Variants in ARHGAP10 observed in about 807,000 individuals in gnomAD.
ARHGAP10 encodes the protein rho GTPase-activating protein 10.
Under a neutral mutation model 108.6 loss-of-function variants are expected in ARHGAP10, and 87 were observed. The observed-to-expected ratio is 0.80, with a 90% CI of 0.67 to 0.96. The LOEUF (loss-of-function observed/expected upper bound fraction) is 0.96, where lower values mean the gene tolerates loss of function less well. Ranked by LOEUF, ARHGAP10 falls within the 40% of genes least tolerant of loss-of-function variation. ARHGAP10 has a pLI of 0.00. For missense variants in ARHGAP10, 939 were observed against 954.5 expected, an observed-to-expected ratio of 0.98 and a Z score of 0.21; for synonymous variants, 347 against 341.1, an observed-to-expected ratio of 1.02 and a Z score of -0.19.
chr4:148,067,448 C>A (rs113279298), intron 22 of ARHGAP10, among the ~76,000 whole-genome samples: 6 of 152,194 alleles, frequency 3.9e-5, no homozygotes, highest in African/African-American at 1.2e-4. Flanking sequence ...ACTGGCAGGT[C>A]ATCTGACCAC....
At chr4:148,031,411 C>G (rs1728144393) in intron 19 of ARHGAP10, among the ~76,000 whole-genome samples, 3 of 152,208 alleles carry the variant, frequency 2.0e-5, no homozygotes, top group East Asian at 3.9e-4. Context: ...ATTATTATCC[C>G]TATTTTATAG....
intron 13 of ARHGAP10, among the ~76,000 whole-genome samples, chr4:147,934,218 G>T (rs976082597): frequency 2.0e-5 from 3 of 152,174 alleles, no homozygotes; most frequent in African/African-American, 7.2e-5. Flanking sequence ...GGCCAAAGAG[G>T]GCTGTAGCTA....
At chr4:147,756,803 G>A (rs755023398) in intron 1 of ARHGAP10, among the ~76,000 whole-genome samples, 6 of 152,082 alleles carry the variant, frequency 3.9e-5, no homozygotes, top group Non-Finnish European at 5.9e-5. Context: ...GTTAGAGGGA[G>A]AAATGCAAAT....
chr4:147,805,559 G>T (rs771201355), intron 1 of ARHGAP10, among the ~76,000 whole-genome samples: 3 of 152,106 alleles, frequency 2.0e-5, no homozygotes, highest in Non-Finnish European at 4.4e-5. Flanking sequence ...ATTGCTTTGG[G>T]CAATATGGCC....
At position 147,880,396 on chromosome 4, in the gene ARHGAP10, T is replaced by A. The variant is rs112338731; in HGVS notation, c.939+1058T>A. Among the ~76,000 whole-genome samples, 1,441 of 152,268 alleles carry A rather than the reference T, an allele frequency of 9.5e-3. 19 individuals carry two copies. The highest frequency in any genetic ancestry group is 0.03 in the African/African-American group (1,250 of 41,544). ...TAATAATGAAACAGACATGGAAAAT[T>A]AGTCATGGTGAGGAGAAGGAAGTGA... On this transcript the variant is annotated intron_variant, in intron 9 of 22. Coordinates refer to ENST00000336498, the MANE Select transcript of ARHGAP10 (RefSeq NM_024605.4).
At chr4:148,023,877 A>C (rs1578801014) in intron 19 of ARHGAP10, among the ~76,000 whole-genome samples, 1 of 152,318 alleles carries the variant, frequency 6.6e-6, no homozygotes, top group South Asian at 2.1e-4. Context: ...AGAATGCTTC[A>C]TCTTATGGCA....
intron 14 of ARHGAP10, among the ~76,000 whole-genome samples, chr4:147,943,094 C>T (rs1162136917): frequency 6.6e-6 from 1 of 152,196 alleles, no homozygotes; most frequent in Non-Finnish European, 1.5e-5. Context: ...ATATCAATTA[C>T]AATAGTTCAT....
intron 17 of ARHGAP10, 103 bp from the exon 18 acceptor site, chr4:147,966,577 C>CT: frequency 8.6e-7 from 1 of 1,158,876 alleles, no homozygotes; most frequent in Non-Finnish European, 1.2e-6. Context: ...GGTTAAGTCT[C>CT]TTGACCCCTT....
At chr4:148,029,679 T>C (rs933797692) in intron 19 of ARHGAP10, among the ~76,000 whole-genome samples, 15 of 152,334 alleles carry the variant, frequency 9.8e-5, no homozygotes, top group East Asian at 9.6e-4. Context: ...TTTTTTGGCA[T>C]GGCATTTCAT....
At chr4:147,761,924 T>A (rs1287388168) in intron 1 of ARHGAP10, among the ~76,000 whole-genome samples, 1 of 152,220 alleles carries the variant, frequency 6.6e-6, no homozygotes, top group African/African-American at 2.4e-5. Flanking sequence ...GCATCTTTTC[T>A]TGTTCATTCT....
chr4:147,848,451 G>A (rs76424856), intron 4 of ARHGAP10, among the ~76,000 whole-genome samples: 9,605 of 152,226 alleles, frequency 0.063, 964 homozygotes, highest in African/African-American at 0.21. Flanking sequence ...TCACTTCTGC[G>A]ACCTTGACTA....
intron 10 of ARHGAP10, among the ~76,000 whole-genome samples, chr4:147,885,024 G>A (rs1579159016): frequency 6.6e-6 from 1 of 152,084 alleles, no homozygotes; most frequent in Admixed American, 6.5e-5. Flanking sequence ...AGTGGGGGTG[G>A]AGCCAAGTGG....
chr4:147,833,817 T>G (rs537497149), intron 3 of ARHGAP10, among the ~76,000 whole-genome samples: 1 of 152,260 alleles, frequency 6.6e-6, no homozygotes, highest in Admixed American at 6.5e-5. Flanking sequence ...ATATATTAAG[T>G]TGGTGGTAGA....
At chr4:148,061,990 G>A (rs1278127722) in intron 20 of ARHGAP10, among the ~76,000 whole-genome samples, 1 of 152,160 alleles carries the variant, frequency 6.6e-6, no homozygotes, top group Non-Finnish European at 1.5e-5. Context: ...GCCAAGGAAG[G>A]GCAAGATTAG....
chr4:147,970,839 G>A (rs953910490), intron 18 of ARHGAP10, among the ~76,000 whole-genome samples: 1 of 152,160 alleles, frequency 6.6e-6, no homozygotes, highest in Non-Finnish European at 1.5e-5. Flanking sequence ...TGTAATCTCA[G>A]CACTTCGGGA....
At chr4:147,963,360 C>A (rs554308942) in intron 16 of ARHGAP10, among the ~76,000 whole-genome samples, 1 of 152,322 alleles carries the variant, frequency 6.6e-6, no homozygotes, top group South Asian at 2.1e-4. Flanking sequence ...GAGACCCTTC[C>A]TGAGCTTCCC....
At chr4:147,830,380 CT>C (rs745450760) in intron 3 of ARHGAP10, among the ~76,000 whole-genome samples, 1 of 152,172 alleles carries the variant, frequency 6.6e-6, no homozygotes, top group Non-Finnish European at 1.5e-5. Flanking sequence ...TCTCATCATC[CT>C]TTCATGCTCT....
chr4:147,984,707 G>C (rs1739961838), intron 18 of ARHGAP10, among the ~76,000 whole-genome samples: 1 of 152,224 alleles, frequency 6.6e-6, no homozygotes, highest in Non-Finnish European at 1.5e-5. Flanking sequence ...GCTTATGTCT[G>C]ATTTCTTATT....
chr4:148,069,107 A>T (rs1270911151), intron 22 of ARHGAP10, among the ~76,000 whole-genome samples: 1 of 152,124 alleles, frequency 6.6e-6, no homozygotes, highest in Non-Finnish European at 1.5e-5. Context: ...GTGGTGTGAT[A>T]AACTAGGAGA....
Sources: allele counts gnomAD v4.1 joint callset (sites outside exome capture counted in the v4.1 genomes callset), GRCh38; gene constraint gnomAD v4.1.1; transcripts MANE v1.5; gene names NCBI Gene and HGNC (gene_info 2026-07-23, HGNC 2026-07-21).